The following FYB1 variants were observed in gnomAD, a reference collection of about 807,000 sequenced individuals.
FYB1 encodes FYN binding protein 1.
In FYB1, 41 loss-of-function variants were observed where a neutral mutation model predicts 94.1. That is an observed-to-expected ratio of 0.44 (90% confidence interval 0.34 to 0.57). The LOEUF (loss-of-function observed/expected upper bound fraction) is 0.57, where lower values mean the gene tolerates loss of function less well. Among genes scored for constraint, FYB1 ranks in the 20% least tolerant of loss-of-function variants. The pLI is 0.02. For synonymous variants in FYB1, 367 were observed against 353.2 expected, an observed-to-expected ratio of 1.04 and a Z score of -0.44; for missense variants, 1,050 against 976.8, an observed-to-expected ratio of 1.07 and a Z score of -1.00.
intron 3 of FYB1, among the ~76,000 whole-genome samples, chr5:39,145,310 TTAAG>T (rs1344609064): frequency 6.6e-6 from 1 of 152,174 alleles, no homozygotes; most frequent in African/African-American, 2.4e-5. Flanking sequence ...AGTGGGGTGA[TTAAG>T]TGTGTTCATT....
In FYB1 at chr5:39,148,381, G is replaced by GTTTTTTTTTT. The variant is rs538508812; in HGVS notation, c.1292+5057_1292+5066dup. Among the ~76,000 whole-genome samples, 16 of 38,170 alleles carry GTTTTTTTTTT rather than the reference G, an allele frequency of 4.2e-4. 5 individuals are homozygous for GTTTTTTTTTT. The highest frequency in any genetic ancestry group is 8.2e-4 in the African/African-American group (11 of 13,492). 25.0% of individuals were successfully genotyped at this position (38,170 alleles called of 152,430 possible). On this transcript the variant is annotated intron_variant, in intron 3 of 18. Transcript: ENST00000512982. ...GCATTTAGCTTTTAATTATCAGCAG[G>GTTTTTTTTTT]TTTTTTTTTTTTTTTTTTTTTTTTT... is the stretch of plus-strand genomic sequence containing the variant.
At chr5:39,125,618 TTG>T (rs1252693304) in intron 12 of FYB1, among the ~76,000 whole-genome samples, 1 of 152,144 alleles carries the variant, frequency 6.6e-6, no homozygotes, top group Non-Finnish European at 1.5e-5. Context: ...GGCATTGGAA[TTG>T]TGAGTTTTCA....
At chr5:39,190,573 C>T (rs770827719) in intron 2 of FYB1, among the ~76,000 whole-genome samples, 9 of 152,172 alleles carry the variant, frequency 5.9e-5, no homozygotes, top group Non-Finnish European at 8.8e-5. Context: ...CTCCCAGATT[C>T]AGAGAAATCA....
At chr5:39,225,065 G>C (rs1234130214) in intron 1 of FYB1, among the ~76,000 whole-genome samples, 1 of 152,214 alleles carries the variant, frequency 6.6e-6, no homozygotes, top group Non-Finnish European at 1.5e-5. Flanking sequence ...TATGAGAACA[G>C]TGTCTGCTTC....
At chr5:39,216,880 A>G (rs1186976252) in intron 1 of FYB1, among the ~76,000 whole-genome samples, 1 of 152,224 alleles carries the variant, frequency 6.6e-6, no homozygotes, top group African/African-American at 2.4e-5. Flanking sequence ...CAGCAACGTG[A>G]TTAACAAGGT....
At chr5:39,212,939 A>T (rs1749546211) in intron 1 of FYB1, 1 of 151,100 alleles carries the variant, frequency 6.6e-6, no homozygotes, top group African/African-American at 2.4e-5. Flanking sequence ...AGTGTGTGGC[A>T]CTTTTCCATG....
chr5:39,238,332 G>A (rs1309864514), intron 1 of FYB1, among the ~76,000 whole-genome samples: 2 of 151,692 alleles, frequency 1.3e-5, no homozygotes, highest in Non-Finnish European at 2.9e-5. Context: ...AGCCTGAGTG[G>A]GAGAAAGAAA....
intron 3 of FYB1, among the ~76,000 whole-genome samples, chr5:39,148,952 T>C (rs1743011043): frequency 1.3e-5 from 2 of 152,200 alleles, no homozygotes; most frequent in African/African-American, 4.8e-5. Flanking sequence ...AAAATTATAA[T>C]TTAAAAAGGT....
At chr5:39,141,966 C>T (rs1443122667) in intron 3 of FYB1, among the ~76,000 whole-genome samples, 15 of 152,112 alleles carry the variant, frequency 9.9e-5, no homozygotes, top group Admixed American at 8.5e-4. Flanking sequence ...TCACCCTGAA[C>T]TCCAAGGTGC....
chr5:39,126,060 G>T lies in FYB1; in HGVS notation c.1983C>A (p.Asp661Glu). 6.2e-7 allele frequency: 1 copy of T among 1,613,346 alleles called. No individual in the cohort carries two copies. The highest frequency in any genetic ancestry group is 8.5e-7 in the Non-Finnish European group (1 of 1,179,560). The change falls in exon 12 of 19, where the codon GAC becomes GAA. Residue 661 changes from aspartate to glutamate, a missense_variant. Asp to Glu is a conservative substitution (Grantham distance 45). Coordinates refer to ENST00000512982, the MANE Select transcript of FYB1 (RefSeq NM_001465.6). ...GTTTCTCTCGTATACTTTTCTTTCT[G>T]TCATCTTTTCCCTTTAACATCTTCA... The part of the protein sequence containing the change: ...GILKMLKGKD[D>E]RKKSIREKPK...
At position 39,134,215 on chromosome 5, in the gene FYB1, TATC is replaced by T; in HGVS notation, c.1807_1809del (p.Asp603del). On this transcript the variant is annotated inframe_deletion, in exon 9 of 19. Transcript: ENST00000512982. The stretch of plus-strand genomic sequence containing the variant: ...ATACGTACTTGCACATACCTGCTAA[TATC>T]ATCCTGCTCTGCAACATCATCATAT... 1 of 1,609,482 alleles carries T rather than the reference TATC, an allele frequency of 6.2e-7. No individual in the cohort carries two copies.
rs377001901 is a variant in FYB1, at chr5:39,241,154, C to T, written c.-28+33249G>A. On this transcript the variant is annotated intron_variant, in intron 1 of 1. Transcript: ENST00000510188. The stretch of plus-strand genomic sequence containing the variant: ...GACTCAAAGAAGGGAACAATAGGGC[C>T]TACTTGAGGATAGGAGCTTAGAGGA... Among the ~76,000 whole-genome samples, 39 of 152,108 alleles carry T rather than the reference C, an allele frequency of 2.6e-4. 1 individual carries two copies. Among genetic ancestry groups the T allele is most frequent in the African/African-American group, 8.9e-4 (37 of 41,478 alleles).
intron 3 of FYB1, among the ~76,000 whole-genome samples, chr5:39,147,276 C>CT (rs796580752): frequency 3.1e-4 from 46 of 147,028 alleles, no homozygotes; most frequent in Admixed American, 1.4e-3. Flanking sequence ...CTTTTCTTTT[C>CT]TTTTTTTTTT....
intron 1 of FYB1, among the ~76,000 whole-genome samples, chr5:39,263,621 T>C (rs979579861): frequency 1.3e-5 from 2 of 152,184 alleles, no homozygotes; most frequent in African/African-American, 4.8e-5. Context: ...TCCGTTTCCA[T>C]ACTCTCAGAT....
chr5:39,239,106 C>T (rs189258051), intron 1 of FYB1, among the ~76,000 whole-genome samples: 201 of 152,186 alleles, frequency 1.3e-3, no homozygotes, highest in Non-Finnish European at 2.2e-3. Context: ...TAATAAAATT[C>T]ATCATCCCTT....
Position 39,153,746 on chromosome 5 carries a change from G to A in FYB1, c.1136-142C>T, listed in dbSNP as rs186844447. 3.5e-3 allele frequency: 2,505 copies of A among 716,460 alleles called. 39 individuals carry two copies. The highest frequency in any genetic ancestry group is 8.7e-4 in the Non-Finnish European group (376 of 433,042). 44.4% of individuals were successfully genotyped at this position (716,460 alleles called of 1,614,324 possible). A position where few individuals can be genotyped will look rare whatever the true frequency, so the allele number is the denominator to read the frequency against. Reference sequence around the variant, plus strand: ...ATATGGAATTTTCAATAAAGAGTATGTTTATTTTATTATTATTACTACGTT... The same window carrying A: ...ATATGGAATTTTCAATAAAGAGTATATTTATTTTATTATTATTACTACGTT... On this transcript the variant is annotated intron_variant, in intron 2 of 18. Transcript: ENST00000512982.
chr5:39,247,733 G>T (rs979178277), intron 1 of FYB1, among the ~76,000 whole-genome samples: 1 of 150,220 alleles, frequency 6.7e-6, no homozygotes, highest in African/African-American at 2.5e-5. Flanking sequence ...AACATTCCAG[G>T]GTTAATTTCA....
Position 39,107,393 on chromosome 5 carries a change from G to C in FYB1, c.*50C>G. Reference sequence around the variant, plus strand: ...CCAATAACATGCCAATTAAAATCCAGACTTCACATTGGCACCTAATGAACA... The same window carrying C: ...CCAATAACATGCCAATTAAAATCCACACTTCACATTGGCACCTAATGAACA... On this transcript the variant is annotated 3_prime_UTR_variant, in exon 19 of 19. Coordinates refer to ENST00000512982, the MANE Select transcript of FYB1 (RefSeq NM_001465.6). The C allele has an allele frequency of 1.5e-6, 2 of 1,373,324 alleles. No homozygotes were observed. The highest frequency in any genetic ancestry group is 1.9e-6 in the Non-Finnish European group (2 of 1,026,742). The allele number at this position is 1,373,324 out of a possible 1,614,324, so 85.1% of individuals were successfully genotyped here.
intron 1 of FYB1, among the ~76,000 whole-genome samples, chr5:39,215,584 T>C (rs1749797389): frequency 6.6e-6 from 1 of 152,176 alleles, no homozygotes. Flanking sequence ...TGTGGCATCC[T>C]GTGGTGTATT....
Sources: gnomAD v4.1 joint callset for allele counts (sites outside exome capture counted in the v4.1 genomes callset) on GRCh38, gnomAD v4.1.1 for gene constraint, MANE v1.5 for transcripts, NCBI Gene and HGNC (gene_info 2026-07-23, HGNC 2026-07-21) for gene names.